Variants in METTL23 observed in about 807,000 individuals in gnomAD.
The protein encoded by METTL23 is histone-arginine methyltransferase METTL23.
METTL23 carries 24 observed loss-of-function variants against 21.2 expected under a neutral mutation model. The ratio of observed to expected loss-of-function variants is 1.13; its 90% CI spans 0.82 to 1.59. The LOEUF (loss-of-function observed/expected upper bound fraction) is 1.59. METTL23 is among the 40% of genes most tolerant of loss of function. The pLI, the probability that METTL23 is intolerant of heterozygous loss-of-function variation, is 0.00. For missense variants in METTL23, 276 were observed against 221.4 expected (o/e 1.25, Z -1.57); for synonymous variants, 97 against 75.2 (o/e 1.29, Z -1.50).
chr17:76,733,830 G>C lies in METTL23; in HGVS notation c.*144G>C. 1.6e-6 allele frequency: 1 copy of C among 619,854 alleles called. No homozygotes were observed. The highest frequency in any genetic ancestry group is 2.7e-5 in the South Asian group (1 of 36,966). 38.4% of individuals were successfully genotyped at this position (619,854 alleles called of 1,614,324 possible). On this transcript the variant is annotated 3_prime_UTR_variant, in exon 5 of 5. Transcript: ENST00000341249. Reference sequence around the variant, plus strand: ...TTGCCTTAGATTTTGATGTCACCTAGACAACACTTAAACTCATATGAAACA... The same window carrying C: ...TTGCCTTAGATTTTGATGTCACCTACACAACACTTAAACTCATATGAAACA...
At chr17:76,726,196 C>T, upstream of METTL23, 2 of 1,111,076 alleles carry the variant, frequency 1.8e-6, no homozygotes, top group South Asian at 3.5e-5. Context: ...CCGGAATCCG[C>T]GCCTCGGGGA....
intron 2 of METTL23, among the ~76,000 whole-genome samples, chr17:76,731,106 CA>C (rs999584690): frequency 1.2e-3 from 159 of 137,846 alleles, no homozygotes; most frequent in Non-Finnish European, 1.2e-3. Flanking sequence ...GACTCCATCT[CA>C]AAAAAAAAAA....
rs1568014927 is a variant in METTL23 at position 76,733,065 on chromosome 17, TGTCTGGAA to T, written c.178_185del (p.Glu60SerfsTer8). 3.1e-6 allele frequency: 5 copies of T among 1,607,648 alleles called. No homozygotes were observed. Among genetic ancestry groups the T allele is most frequent in the Non-Finnish European group, 4.2e-6 (5 of 1,176,588 alleles). ...GTCAGACAGCTCAGAACTGCCTCAC[TGTCTGGAA>T]GTCTGTCGGCAAAGCTGCCAAATGA... On this transcript the variant is annotated frameshift_variant, in exon 3 of 5. Coordinates refer to ENST00000341249, the MANE Select transcript of METTL23 (RefSeq NM_001080510.5). LOFTEE classifies it high-confidence loss of function.
At chr17:76,728,434 A>C (rs1243309214) in intron 1 of METTL23, among the ~76,000 whole-genome samples, 1 of 59,966 alleles carries the variant, frequency 1.7e-5, no homozygotes, top group African/African-American at 1.1e-4. Context: ...TTTTTTGGAG[A>C]TGGAGTCTCG....
chr17:76,733,875 C>CA lies in METTL23; in HGVS notation c.*191dup. The CA allele has an allele frequency of 2.1e-6, 1 of 468,016 alleles. No individual in the cohort carries two copies. The highest frequency in any genetic ancestry group is 3.7e-6 in the Non-Finnish European group (1 of 267,534). 29.0% of individuals were successfully genotyped at this position (468,016 alleles called of 1,614,324 possible). ...GAAACAAAAATTAAAATACGTATTA[C>CA]AAGTACTTGGATTGTTCCTTAGTCA... On this transcript the variant is annotated 3_prime_UTR_variant, in exon 5 of 5. Coordinates refer to ENST00000341249, the MANE Select transcript of METTL23 (RefSeq NM_001080510.5).
intron 1 of METTL23, 32 bp downstream of exon 1, chr17:76,727,210 T>G: frequency 2.7e-6 from 1 of 376,586 alleles, no homozygotes; most frequent in South Asian, 1.8e-5. Flanking sequence ...AGGAGGCGCC[T>G]GAGGTCAGGA....
Position 76,733,193 on chromosome 17 carries a change from T to C in METTL23, c.300T>C (p.Ser100=). ...CACCACAAGATATTATCCTTGCATCTGATGTGTTCTTTGAACCAGAAGGTA... is the reference window on the plus strand; with the variant it reads ...CACCACAAGATATTATCCTTGCATCCGATGTGTTCTTTGAACCAGAAGGTA... ...ALPPQDIILA[S]DVFFEPEDFE... is the part of the protein sequence containing the mutation. Residue 100 remains serine (S), a synonymous_variant, in exon 3 of 5, where the codon TCT becomes TCC. Coordinates refer to ENST00000341249, the MANE Select transcript of METTL23 (RefSeq NM_001080510.5). 6.2e-7 allele frequency: 1 copy of C among 1,613,870 alleles called. No individual in the cohort carries two copies. Among genetic ancestry groups the C allele is most frequent in the East Asian group, 2.2e-5 (1 of 44,892 alleles).
chr17:76,733,867 A>G lies in METTL23; in HGVS notation c.*181A>G. 2.1e-6 allele frequency: 1 copy of G among 482,128 alleles called. No homozygotes were observed. The highest frequency in any genetic ancestry group is 3.6e-6 in the Non-Finnish European group (1 of 277,168). The allele number at this position is 482,128 out of a possible 1,614,324, so 29.9% of individuals were successfully genotyped here. ...ACTCATATGAAACAAAAATTAAAATACGTATTACAAGTACTTGGATTGTTC... is the reference window on the plus strand; with the variant it reads ...ACTCATATGAAACAAAAATTAAAATGCGTATTACAAGTACTTGGATTGTTC... On this transcript the variant is annotated 3_prime_UTR_variant, in exon 5 of 5. Coordinates refer to ENST00000341249, the MANE Select transcript of METTL23 (RefSeq NM_001080510.5).
At chr17:76,733,249 A>T in intron 3 of METTL23, 34 bp downstream of exon 3, 4 of 1,612,772 alleles carry the variant, frequency 2.5e-6, no homozygotes, top group Non-Finnish European at 3.4e-6. Context: ...ACATTTGGCC[A>T]GTGATGCTAT....
chr17:76,733,140 C>G lies in METTL23; in HGVS notation c.247C>G (p.His83Asp), dbSNP rs1341775184. Residue 83 changes from histidine to aspartate, a missense_variant, in exon 3 of 5, where the codon CAT becomes GAT. By Grantham distance (81) the His-to-Asp change is moderately conservative. Coordinates refer to ENST00000341249, the MANE Select transcript of METTL23 (RefSeq NM_001080510.5). ...HLQVVGLTWG[H>D]ISWDLLALPP... The stretch of plus-strand genomic sequence containing the variant: ...GCAGGTGGTAGGACTAACATGGGGT[C>G]ATATATCTTGGGATCTTCTGGCTCT... 1 of 1,613,748 alleles carries G rather than the reference C, an allele frequency of 6.2e-7. No individual in the cohort carries two copies. Among genetic ancestry groups the G allele is most frequent in the African/African-American group, 1.3e-5 (1 of 74,936 alleles).
At chr17:76,728,917 C>T (rs752247261) in intron 1 of METTL23, among the ~76,000 whole-genome samples, 1 of 150,012 alleles carries the variant, frequency 6.7e-6, no homozygotes, top group Non-Finnish European at 1.5e-5. Context: ...TCTCAGCCTC[C>T]GGAGTAGCTG....
At chr17:76,727,980 G>A (rs2077021846) in intron 1 of METTL23, among the ~76,000 whole-genome samples, 1 of 152,218 alleles carries the variant, frequency 6.6e-6, no homozygotes, top group Non-Finnish European at 1.5e-5. Context: ...TAAAGAAACA[G>A]CTTTAGAGAA....
intron 2 of METTL23, among the ~76,000 whole-genome samples, chr17:76,730,010 G>A (rs986803732): frequency 3.9e-5 from 6 of 152,064 alleles, no homozygotes; most frequent in African/African-American, 9.7e-5. Flanking sequence ...GTGGTTTTTC[G>A]GCTGGGCATG....
rs1308615094 is a variant in METTL23, at chr17:76,727,057, A to T, written c.-143A>T. ...CGGTCCCCCGCCCGCCCGGGGCCCAACGACGCCCTACTGGGCGAGCACGAT... is the reference window on the plus strand; with the variant it reads ...CGGTCCCCCGCCCGCCCGGGGCCCATCGACGCCCTACTGGGCGAGCACGAT... On this transcript the variant is annotated 5_prime_UTR_variant, in exon 1 of 5. Transcript: ENST00000341249. 3 of 454,580 alleles carry T rather than the reference A, an allele frequency of 6.6e-6. No homozygotes were observed. The highest frequency in any genetic ancestry group is 1.4e-4 in the East Asian group (2 of 14,336). The allele number at this position is 454,580 out of a possible 1,614,324, so 28.2% of individuals were successfully genotyped here.
chr17:76,728,239 G>GA (rs556657313), intron 1 of METTL23, among the ~76,000 whole-genome samples: 4,541 of 110,166 alleles, frequency 0.041, 193 homozygotes, highest in East Asian at 0.14. Flanking sequence ...TTGTCAAGAA[G>GA]AAAAAAAAAA....
rs370475824 is a variant in METTL23 at position 76,733,241 on chromosome 17, A to AT, written c.322+29dup. On this transcript the variant is annotated intron_variant, in intron 3 of 4. Coordinates refer to ENST00000341249, the MANE Select transcript of METTL23 (RefSeq NM_001080510.5). ...GTAAGCTTTTTTGGCTCAATAGTAC[A>AT]TTTGGCCAGTGATGCTATATGAAAA... 2,318 of 1,613,014 alleles carry AT rather than the reference A, an allele frequency of 1.4e-3. 11 individuals carry two copies. In the South Asian group the frequency reaches 0.016, roughly 11 times the overall value.
intron 2 of METTL23, 73 bp from the exon 3 acceptor site, chr17:76,732,905 A>G (rs2077289177): frequency 7.9e-7 from 1 of 1,264,724 alleles, no homozygotes; most frequent in Non-Finnish European, 1.1e-6. Context: ...AATATAATGA[A>G]AAAGTACTAA....
chr17:76,726,104 G>A (rs2076924213), upstream of METTL23, among the ~76,000 whole-genome samples: 1 of 152,208 alleles, frequency 6.6e-6, no homozygotes, highest in African/African-American at 2.4e-5. Flanking sequence ...GGGCCTTCTA[G>A]TTGAGAGCGC....
Position 76,733,322 on chromosome 17 carries a change from T to C in METTL23, c.352T>C (p.Phe118Leu), listed in dbSNP as rs1271657031. The C allele has an allele frequency of 1.2e-6, 2 of 1,614,018 alleles. No homozygotes were observed. The highest frequency in any genetic ancestry group is 1.7e-6 in the Non-Finnish European group (2 of 1,179,890). Residue 118 changes from phenylalanine to leucine, a missense_variant, in exon 4 of 5, where the codon TTT becomes CTT. Physicochemically the swap from Phe to Leu is conservative, Grantham distance 22 (BLOSUM62 0). Transcript: ENST00000341249. ...DFEDILATIY[F>L]LMHKNPKVQL... is the part of the protein sequence containing the mutation. ...TGAAGACATTTTGGCTACAATATATTTTTTGATGCACAAGAATCCCAAGGT... is the reference window on the plus strand; with the variant it reads ...TGAAGACATTTTGGCTACAATATATCTTTTGATGCACAAGAATCCCAAGGT...
Sources: allele counts gnomAD v4.1 joint callset (sites outside exome capture counted in the v4.1 genomes callset), GRCh38; gene constraint gnomAD v4.1.1; transcripts MANE v1.5; gene names NCBI Gene and HGNC (gene_info 2026-07-23, HGNC 2026-07-21).